KCNK10: variants seen among roughly 807,000 people sequenced by gnomAD.
KCNK10 encodes potassium two pore domain channel subfamily K member 10.
In KCNK10, 25 loss-of-function variants were observed where a neutral mutation model predicts 47.7. The ratio of observed to expected loss-of-function variants is 0.52; its 90% CI spans 0.38 to 0.73. The LOEUF is 0.73. KCNK10 is among the 30% of genes least tolerant of loss of function. The pLI, the probability that KCNK10 is intolerant of heterozygous loss-of-function variation, is 0.00. For missense variants in KCNK10, 563 were observed against 714.5 expected, an observed-to-expected ratio of 0.79 and a Z score of 2.42; for synonymous variants, 303 against 285.6, an observed-to-expected ratio of 1.06 and a Z score of -0.61.
chr14:88,231,019 A>G (rs1886145497), intron 3 of KCNK10, among the ~76,000 whole-genome samples: 1 of 152,152 alleles, frequency 6.6e-6, no homozygotes, highest in Non-Finnish European at 1.5e-5. Flanking sequence ...TCACACTCAT[A>G]ATCTCAGCAC....
intron 1 of KCNK10, among the ~76,000 whole-genome samples, chr14:88,318,309 G>A (rs1388059154): frequency 6.6e-6 from 1 of 152,176 alleles, no homozygotes; most frequent in Non-Finnish European, 1.5e-5. Context: ...TGAGTGCCAG[G>A]CACTTTCCAG....
At position 88,322,599 on chromosome 14, in the gene KCNK10, C is replaced by A; in HGVS notation, c.52+148G>T. On this transcript the variant is annotated intron_variant, in intron 1 of 6. Coordinates refer to ENST00000319231, the MANE Select transcript of KCNK10 (RefSeq NM_138317.3). The surrounding 1 kb of genome is among the most constrained non-coding windows in gnomAD (Gnocchi z 4.8). ...GGTTCGGAACCCACGCTGCCTCCGC[C>A]CTCCTCCCACCCGCGCTGCAGTTCC... 1 of 1,020,638 alleles carries A rather than the reference C, an allele frequency of 9.8e-7. No homozygotes were observed. The allele number at this position is 1,020,638 out of a possible 1,614,324, so 63.2% of individuals were successfully genotyped here.
At chr14:88,275,825 C>T (rs1887515254) in intron 1 of KCNK10, among the ~76,000 whole-genome samples, 1 of 151,632 alleles carries the variant, frequency 6.6e-6, no homozygotes, top group African/African-American at 2.4e-5. Context: ...TGAGATTGTG[C>T]CGCTGCACTC....
intron 4 of KCNK10, among the ~76,000 whole-genome samples, chr14:88,205,679 G>T (rs1469729236): frequency 2.0e-5 from 3 of 151,540 alleles, no homozygotes; most frequent in African/African-American, 7.3e-5. Context: ...CGAGTAGCTG[G>T]GACTACAGGC....
chr14:88,226,591 CAAA>C (rs1885994611), intron 4 of KCNK10, among the ~76,000 whole-genome samples: 2 of 152,138 alleles, frequency 1.3e-5, no homozygotes, highest in African/African-American at 4.8e-5. Flanking sequence ...TACATCTGAG[CAAA>C]ACAGGTGTTC....
chr14:88,300,607 C>T lies in KCNK10; in HGVS notation c.52+22140G>A, dbSNP rs761672443. 6.6e-5 allele frequency among the ~76,000 whole-genome samples: 10 copies of T among 152,306 alleles called. No homozygotes were observed. In the East Asian group the frequency reaches 9.7e-4, roughly 15 times the overall value. On this transcript the variant is annotated intron_variant, in intron 1 of 6. Coordinates refer to ENST00000319231, the MANE Select transcript of KCNK10 (RefSeq NM_138317.3). Reference sequence around the variant, plus strand: ...TGGTTTAGGAAGCACCTGCTCACTACGTAATTCAAGTGGGGTTCTTACTGC... The same window carrying T: ...TGGTTTAGGAAGCACCTGCTCACTATGTAATTCAAGTGGGGTTCTTACTGC...
At chr14:88,222,776 G>A (rs760858954) in intron 4 of KCNK10, among the ~76,000 whole-genome samples, 2 of 152,192 alleles carry the variant, frequency 1.3e-5, no homozygotes, top group Non-Finnish European at 2.9e-5. Flanking sequence ...GTGAAAACGT[G>A]CTATTTGGTC....
chr14:88,310,094 G>T (rs1174119368), intron 1 of KCNK10, among the ~76,000 whole-genome samples: 4 of 108,098 alleles, frequency 3.7e-5, no homozygotes, highest in African/African-American at 1.3e-4. Flanking sequence ...GTTACCCTGA[G>T]GAACTACATT....
At chr14:88,291,560 C>T (rs1486832198) in intron 1 of KCNK10, among the ~76,000 whole-genome samples, 1 of 152,224 alleles carries the variant, frequency 6.6e-6, no homozygotes, top group African/African-American at 2.4e-5. Flanking sequence ...AGAAGGGGGT[C>T]TCAGCATCTG....
chr14:88,308,086 C>T (rs1397543050), intron 1 of KCNK10, among the ~76,000 whole-genome samples: 1 of 152,174 alleles, frequency 6.6e-6, no homozygotes, highest in African/African-American at 2.4e-5. Flanking sequence ...TGCTCATCTT[C>T]TCATCAAACA....
intron 6 of KCNK10, 47 bp downstream of exon 6, chr14:88,187,920 G>A (rs369409466): frequency 1.9e-6 from 3 of 1,602,372 alleles, no homozygotes; most frequent in African/African-American, 2.7e-5. Context: ...CTGGACACAA[G>A]CTCATCTGTT....
intron 2 of KCNK10, among the ~76,000 whole-genome samples, chr14:88,247,512 G>A (rs1886679342): frequency 6.6e-6 from 1 of 152,220 alleles, no homozygotes; most frequent in Admixed American, 6.5e-5. Flanking sequence ...CCAGTTATGT[G>A]CAAATATTAG....
rs144233607 is a variant in KCNK10 at position 88,304,535 on chromosome 14, C to T, written c.52+18212G>A. On this transcript the variant is annotated intron_variant, in intron 1 of 6. Transcript: ENST00000319231. ...AGCAGTGAAAAAAGTTTGAGTCACC[C>T]GATGCACATGTCCTCAGCTGAGGTT... Among the ~76,000 whole-genome samples, 174 of 152,320 alleles carry T rather than the reference C, an allele frequency of 1.1e-3. 1 individual carries two copies. Among genetic ancestry groups the T allele is most frequent in the African/African-American group, 2.9e-3 (120 of 41,580 alleles).
rs999493168 is a variant in KCNK10, at chr14:88,250,519, A to G, written c.403-9699T>C. Among the ~76,000 whole-genome samples, 3 of 152,186 alleles carry G rather than the reference A, an allele frequency of 2.0e-5. No individual in the cohort carries two copies. In the South Asian group the frequency reaches 6.2e-4, roughly 32 times the overall value. Reference sequence around the variant, plus strand: ...CTTCCTGGACTAAAGACTGCTTGAAATAGGGGATGGCCCAGGGCAGACAAA... The same window carrying G: ...CTTCCTGGACTAAAGACTGCTTGAAGTAGGGGATGGCCCAGGGCAGACAAA... On this transcript the variant is annotated intron_variant, in intron 2 of 6. Transcript: ENST00000319231.
chr14:88,320,788 T>G (rs1888530660), intron 1 of KCNK10, among the ~76,000 whole-genome samples: 1 of 152,192 alleles, frequency 6.6e-6, no homozygotes, highest in South Asian at 2.1e-4. Flanking sequence ...CAGCACTTGT[T>G]TTGAAACTTA....
At chr14:88,208,217 A>G (rs1305439780) in intron 4 of KCNK10, among the ~76,000 whole-genome samples, 1 of 152,262 alleles carries the variant, frequency 6.6e-6, no homozygotes, top group Admixed American at 6.5e-5. Flanking sequence ...TAGAAACATC[A>G]TTAAAGGCAC....
At chr14:88,218,437 A>C (rs983672123) in intron 4 of KCNK10, among the ~76,000 whole-genome samples, 3 of 152,180 alleles carry the variant, frequency 2.0e-5, no homozygotes, top group Admixed American at 2.0e-4. Context: ...AAATTTTCCA[A>C]GTAATTTTGG....
chr14:88,215,811 A>G (rs1885599889), intron 4 of KCNK10, among the ~76,000 whole-genome samples: 1 of 152,202 alleles, frequency 6.6e-6, no homozygotes, highest in Admixed American at 6.5e-5. Flanking sequence ...TTTAAATGAT[A>G]AACGCTATCC....
chr14:88,269,012 C>T (rs1239407714), intron 1 of KCNK10, among the ~76,000 whole-genome samples: 1 of 152,118 alleles, frequency 6.6e-6, no homozygotes, highest in African/African-American at 2.4e-5. Context: ...GTGGCATGCA[C>T]CTGTAGTCCC....
Sources: allele counts gnomAD v4.1 joint callset (sites outside exome capture counted in the v4.1 genomes callset), GRCh38; gene constraint gnomAD v4.1.1; non-coding constraint Gnocchi (gnomAD v3.1); transcripts MANE v1.5; gene names NCBI Gene and HGNC (gene_info 2026-07-23, HGNC 2026-07-21).